COQ3: variants seen among roughly 807,000 people sequenced by gnomAD.
COQ3 encodes the protein coenzyme Q3, methyltransferase, also known as ubiquinone biosynthesis O-methyltransferase, mitochondrial.
In COQ3, 29 loss-of-function variants were observed where a neutral mutation model predicts 33.1. The ratio of observed to expected loss-of-function variants is 0.88; its 90% CI spans 0.65 to 1.19. COQ3 has a LOEUF of 1.19. Among genes scored for constraint, COQ3 ranks in the 50% most tolerant of loss-of-function variants. The pLI is 0.00. For missense variants in COQ3, 437 were observed against 430.7 expected (o/e 1.01, Z -0.13); for synonymous variants, 173 against 157.8 (o/e 1.10, Z -0.72).
intron 2 of COQ3, among the ~76,000 whole-genome samples, chr6:99,380,701 A>T (rs1030857923): frequency 6.6e-6 from 1 of 152,006 alleles, no homozygotes; most frequent in African/African-American, 2.4e-5. Flanking sequence ...GGGCAGATCA[A>T]GAGGTCACCA....
At chr6:99,393,069 A>G (rs1774874624) in intron 1 of COQ3, among the ~76,000 whole-genome samples, 2 of 152,192 alleles carry the variant, frequency 1.3e-5, no homozygotes, top group South Asian at 2.1e-4. Flanking sequence ...AGTTCAGAAA[A>G]AGAAAAGTAT....
chr6:99,387,580 T>C (rs1236606094), intron 1 of COQ3, among the ~76,000 whole-genome samples: 1 of 152,158 alleles, frequency 6.6e-6, no homozygotes, highest in Admixed American at 6.5e-5. Context: ...AAACTAAGAA[T>C]GAAAGGGAAA....
rs377619562 is a variant in COQ3 at position 99,372,646 on chromosome 6, G to A, written c.730-1059C>T. ...TTGGTCAGGCTGGTCTCGAACTCCT[G>A]ACCTTGTGATCCACCTGCCTTGGCC... On this transcript the variant is annotated intron_variant, in intron 5 of 6. Coordinates refer to ENST00000254759, the MANE Select transcript of COQ3 (RefSeq NM_017421.4). Among the ~76,000 whole-genome samples the A allele has an allele frequency of 3.9e-5, 6 of 152,194 alleles. 1 individual carries two copies. Among genetic ancestry groups the A allele is most frequent in the African/African-American group, 1.2e-4 (5 of 41,552 alleles).
In COQ3 at chr6:99,377,370, G is replaced by A. The variant is rs754552861; in HGVS notation, c.486+16C>T. On this transcript the variant is annotated intron_variant, in intron 4 of 6. Transcript: ENST00000254759. ...TTTTTCTCCCAGTTAAAAATGGCAG[G>A]AAAGCTGTCACTTACTTCAGTTAAC... is the stretch of plus-strand genomic sequence containing the variant. 2.5e-6 allele frequency: 4 copies of A among 1,587,058 alleles called. No homozygotes were observed. Among genetic ancestry groups the A allele is most frequent in the Non-Finnish European group, 3.5e-6 (4 of 1,155,778 alleles).
At chr6:99,385,532 C>T (rs932688338) in intron 1 of COQ3, among the ~76,000 whole-genome samples, 9 of 152,092 alleles carry the variant, frequency 5.9e-5, no homozygotes, top group African/African-American at 2.2e-4. Context: ...CACTTCTAAA[C>T]AATCCATAAG....
At chr6:99,371,302 T>TAAACCAACATTC (rs1774136459) in intron 6 of COQ3, 126 bp downstream of exon 6, 1 of 604,776 alleles carries the variant, frequency 1.7e-6, no homozygotes, top group African/African-American at 1.9e-5. Flanking sequence ...GTTGAGAAGA[T>TAAACCAACATTC]AAAACCAACA....
At chr6:99,380,098 T>A (rs1562205595) in intron 3 of COQ3, 91 bp downstream of exon 3, 3 of 1,194,934 alleles carry the variant, frequency 2.5e-6, no homozygotes, top group Admixed American at 5.0e-5. Context: ...CAGCATTTTT[T>A]AACTAGGTAT....
intron 6 of COQ3, 123 bp from the exon 7 acceptor site, chr6:99,369,943 G>A (rs1374810540): frequency 2.6e-5 from 16 of 625,308 alleles, no homozygotes; most frequent in African/African-American, 1.1e-4. Context: ...AGGAAAAGAA[G>A]AAAAAAAAAG....
At position 99,371,440 on chromosome 6, in the gene COQ3, T is replaced by C. The variant is rs145229869; in HGVS notation, c.877A>G (p.Ile293Val). The C allele has an allele frequency of 5.3e-5, 84 of 1,582,726 alleles. No homozygotes were observed. In the African/African-American group the frequency reaches 9.8e-4, roughly 18 times the overall value. The change falls in exon 6 of 7, where the codon ATT becomes GTT. Residue 293 changes from isoleucine (I) to valine (V), a missense_variant. Coordinates refer to ENST00000254759, the MANE Select transcript of COQ3 (RefSeq NM_017421.4). ...TCTTAATACTTACTTGATTCCAGAA[T>C]GCTCTCTAGTGTTTCAGGTGAAACA... ...KFVSPETLES[I>V]LESNGLSVQT... is the part of the protein sequence containing the mutation.
intron 1 of COQ3, among the ~76,000 whole-genome samples, chr6:99,388,366 T>A (rs1774715718): frequency 6.6e-6 from 1 of 152,124 alleles, no homozygotes. Flanking sequence ...AGAATCTATA[T>A]GCTTAAAATT....
At chr6:99,373,778 G>A (rs1328081709) in intron 5 of COQ3, among the ~76,000 whole-genome samples, 2 of 152,130 alleles carry the variant, frequency 1.3e-5, no homozygotes, top group Non-Finnish European at 2.9e-5. Context: ...GATCCCTTGA[G>A]CTCAGGATTT....
At chr6:99,387,562 C>T (rs1774686735) in intron 1 of COQ3, among the ~76,000 whole-genome samples, 1 of 152,150 alleles carries the variant, frequency 6.6e-6, no homozygotes, top group African/African-American at 2.4e-5. Flanking sequence ...TGATTAAAAA[C>T]TTTTGGCAAA....
rs1435046189 is a variant in COQ3 at position 99,383,680 on chromosome 6, C to T, written c.233+18G>A. On this transcript the variant is annotated intron_variant, in intron 2 of 6. Transcript: ENST00000254759. ...CATATAATTACGTGAATATTTGCCA[C>T]AGTAATAATAAACCCACCTGAAACT... The T allele has an allele frequency of 6.5e-7, 1 of 1,543,662 alleles. No homozygotes were observed. Among genetic ancestry groups the T allele is most frequent in the Admixed American group, 2.2e-5 (1 of 45,848 alleles).
chr6:99,376,520 G>A (rs1774287377), intron 4 of COQ3, among the ~76,000 whole-genome samples: 1 of 152,158 alleles, frequency 6.6e-6, no homozygotes, highest in African/African-American at 2.4e-5. Context: ...AATGTAACAA[G>A]CCATTGAAAA....
chr6:99,372,696 A>G (rs7449468), intron 5 of COQ3, among the ~76,000 whole-genome samples: 55,165 of 152,010 alleles, frequency 0.36, 10,419 homozygotes, highest in South Asian at 0.57. Context: ...GATTACAGGC[A>G]TGAGCCACTG....
chr6:99,378,151 TATATA>T (rs1562204618), intron 3 of COQ3, among the ~76,000 whole-genome samples: 935 of 34,466 alleles, frequency 0.027, 3 homozygotes, highest in African/African-American at 0.049. Context: ...TATATATATA[TATATA>T]TTTAGAGAGA....
At chr6:99,393,120 G>T (rs1244826500) in intron 1 of COQ3, among the ~76,000 whole-genome samples, 1 of 151,352 alleles carries the variant, frequency 6.6e-6, no homozygotes, top group Non-Finnish European at 1.5e-5. Flanking sequence ...CTCTACCACA[G>T]GCAATCACTG....
chr6:99,371,565 G>T lies in COQ3; in HGVS notation c.752C>A (p.Thr251Asn), dbSNP rs1450358079. The change falls in exon 6 of 7, where the codon ACT becomes AAT. Residue 251 changes from threonine to asparagine, a missense_variant. Physicochemically the swap from Thr to Asn is moderately conservative, Grantham distance 65. Transcript: ENST00000254759. ...GGAAAGTTGTGTTTTGTTGATTGTA[G>T]TAATGAATAAAGAACCACCGGGCTA... Reference protein sequence around the residue: ...VLKPGGSLFITTINKTQLSYA... With the variant: ...VLKPGGSLFINTINKTQLSYA... 2.7e-5 allele frequency: 43 copies of T among 1,600,796 alleles called. No individual in the cohort carries two copies. The highest frequency in any genetic ancestry group is 3.6e-5 in the Non-Finnish European group (42 of 1,174,162).
chr6:99,394,180 C>A lies in COQ3; in HGVS notation c.-1G>T, dbSNP rs9376137. ...AGCCCAGCTTACGGCCACTCCACAT[C>A]GCGACAAACGATCCCACCTCTTTTC... On this transcript the variant is annotated 5_prime_UTR_variant, in exon 1 of 7. Coordinates refer to ENST00000254759, the MANE Select transcript of COQ3 (RefSeq NM_017421.4). 0.2 allele frequency: 321,007 copies of A among 1,577,712 alleles called. 36,368 individuals are homozygous for A. Among genetic ancestry groups the A allele is most frequent in the East Asian group, 0.44 (18,474 of 42,294 alleles).
Sources: allele counts gnomAD v4.1 joint callset (sites outside exome capture counted in the v4.1 genomes callset), GRCh38; gene constraint gnomAD v4.1.1; transcripts MANE v1.5; gene names NCBI Gene and HGNC (gene_info 2026-07-23, HGNC 2026-07-21).